Variants in AGBL1 observed in about 807,000 individuals in gnomAD.
AGBL1 encodes the protein AGBL carboxypeptidase 1, also known as cytosolic carboxypeptidase 4.
In AGBL1, 130 loss-of-function variants were observed where a neutral mutation model predicts 118.9. The observed-to-expected ratio is 1.09, with a 90% CI of 0.95 to 1.26. AGBL1 has a LOEUF of 1.26. AGBL1 is among the 50% of genes most tolerant of loss of function. The probability of loss-of-function intolerance (pLI) is 0.00; values close to 1 mark genes in which losing one functional copy is unlikely to be tolerated. For missense variants in AGBL1, 1,584 were observed against 1,298.1 expected, an observed-to-expected ratio of 1.22 and a Z score of -3.38; for synonymous variants, 555 against 478.9, an observed-to-expected ratio of 1.16 and a Z score of -2.08.
At chr15:86,975,475 A>T (rs959803139) in intron 23 of AGBL1, among the ~76,000 whole-genome samples, 6 of 152,102 alleles carry the variant, frequency 3.9e-5, no homozygotes, top group Non-Finnish European at 5.9e-5. Context: ...GAATTATGGG[A>T]GCTGCAATTC....
intron 7 of AGBL1, among the ~76,000 whole-genome samples, chr15:86,251,333 G>A (rs7163089): frequency 0.031 from 4,682 of 152,126 alleles, 238 homozygotes; most frequent in African/African-American, 0.11. Context: ...CACCTGGAGG[G>A]GTCACTGAAG....
chr15:86,184,237 C>T (rs903679779), intron 5 of AGBL1, among the ~76,000 whole-genome samples: 1 of 152,010 alleles, frequency 6.6e-6, no homozygotes, highest in Admixed American at 6.6e-5. Flanking sequence ...AAGTAGCATC[C>T]TAGTAGTAGT....
intron 21 of AGBL1, among the ~76,000 whole-genome samples, chr15:86,555,072 C>T (rs1390727946): frequency 6.6e-6 from 1 of 152,174 alleles, no homozygotes; most frequent in Non-Finnish European, 1.5e-5. Context: ...GTTTTGGACT[C>T]ATATGCTAGT....
chr15:86,459,911 A>G (rs2082310042), intron 18 of AGBL1, among the ~76,000 whole-genome samples: 1 of 152,126 alleles, frequency 6.6e-6, no homozygotes, highest in African/African-American at 2.4e-5. Context: ...GTGACCAGTG[A>G]TTTGCTATAT....
chr15:86,370,614 C>T (rs4530100), intron 17 of AGBL1, among the ~76,000 whole-genome samples: 71,609 of 152,022 alleles, frequency 0.47, 18,805 homozygotes, highest in East Asian at 0.69. Context: ...TCTTTAACGC[C>T]AGGACAGGTG....
chr15:86,705,609 G>A (rs2086436095), intron 22 of AGBL1, among the ~76,000 whole-genome samples: 1 of 152,162 alleles, frequency 6.6e-6, no homozygotes, highest in Admixed American at 6.5e-5. Flanking sequence ...ACTGCTAGTG[G>A]TTATGGGGAT....
chr15:86,198,829 G>A (rs1339675100), intron 5 of AGBL1, among the ~76,000 whole-genome samples: 1 of 152,056 alleles, frequency 6.6e-6, no homozygotes, highest in East Asian at 1.9e-4. Context: ...CTAGACTGGT[G>A]GGAAAATAAA....
chr15:86,600,021 T>A (rs79529430), intron 21 of AGBL1, among the ~76,000 whole-genome samples: 2,343 of 152,260 alleles, frequency 0.015, 50 homozygotes, highest in African/African-American at 0.05. Context: ...CCCAAAATTA[T>A]GGTACACTTG....
intron 18 of AGBL1, among the ~76,000 whole-genome samples, chr15:86,505,108 G>A (rs2082959423): frequency 6.6e-6 from 1 of 150,544 alleles, no homozygotes; most frequent in Non-Finnish European, 1.5e-5. Context: ...CACAGTTTCT[G>A]AAAAAAAAAT....
intron 1 of AGBL1, among the ~76,000 whole-genome samples, chr15:86,118,753 C>CT (rs1180091920): frequency 6.9e-6 from 1 of 144,710 alleles, no homozygotes; most frequent in African/African-American, 2.7e-5. Context: ...TTAGCTAAAG[C>CT]TTTTTTTGGG....
chr15:86,150,983 A>G (rs189596371), intron 3 of AGBL1, among the ~76,000 whole-genome samples: 1 of 152,198 alleles, frequency 6.6e-6, no homozygotes, highest in Non-Finnish European at 1.5e-5. Flanking sequence ...CATAAAAATG[A>G]TGAGTTCATG....
At chr15:86,836,197 A>G (rs2079168625) in intron 22 of AGBL1, among the ~76,000 whole-genome samples, 1 of 152,208 alleles carries the variant, frequency 6.6e-6, no homozygotes, top group South Asian at 2.1e-4. Context: ...TGACTTTAAA[A>G]TATTGGAGAT....
chr15:86,848,169 A>G (rs1050954088), intron 22 of AGBL1, among the ~76,000 whole-genome samples: 5 of 152,210 alleles, frequency 3.3e-5, no homozygotes, highest in African/African-American at 1.2e-4. Flanking sequence ...ACCCACAGCA[A>G]GAATGCCAGA....
At chr15:86,474,600 A>C (rs955977773) in intron 18 of AGBL1, among the ~76,000 whole-genome samples, 1 of 152,218 alleles carries the variant, frequency 6.6e-6, no homozygotes, top group African/African-American at 2.4e-5. Flanking sequence ...GGTGGAGCCC[A>C]CTGCAGCTCA....
chr15:86,819,387 C>T (rs1194254212), intron 22 of AGBL1, among the ~76,000 whole-genome samples: 1 of 151,970 alleles, frequency 6.6e-6, no homozygotes, highest in Non-Finnish European at 1.5e-5. Context: ...TAAGAAAACC[C>T]CATTGTCTCA....
chr15:86,917,576 G>A (rs953737814), downstream of AGBL1, among the ~76,000 whole-genome samples: 8 of 152,142 alleles, frequency 5.3e-5, no homozygotes, highest in Admixed American at 2.0e-4. This position sits in a 1 kb window ranked among gnomAD's most constrained non-coding sequence, Gnocchi z 4.8. Context: ...AAACATATGC[G>A]GATCACCTCT....
At chr15:86,733,930 C>T (rs1297065512) in intron 22 of AGBL1, among the ~76,000 whole-genome samples, 1 of 152,140 alleles carries the variant, frequency 6.6e-6, no homozygotes, top group African/African-American at 2.4e-5. Flanking sequence ...ACTACACAGT[C>T]CTTCTCACCA....
rs190769993 is a variant in AGBL1, at chr15:86,722,602, G to C, written c.3158+48166G>C. ...CATTCAGGACATAGGCATGGGCAAG[G>C]ACTTCCTGTCTAAAACACCAAAAGC... On this transcript the variant is annotated intron_variant, in intron 22 of 22. Coordinates refer to ENST00000614907, the MANE Select transcript of AGBL1 (RefSeq NM_001386094.1). Among the ~76,000 whole-genome samples, 762 of 152,252 alleles carry C rather than the reference G, an allele frequency of 5.0e-3. 10 individuals carry two copies. Among genetic ancestry groups the C allele is most frequent in the African/African-American group, 0.017 (716 of 41,556 alleles).
intron 21 of AGBL1, among the ~76,000 whole-genome samples, chr15:86,653,163 C>CA (rs943258818): frequency 7.5e-5 from 9 of 119,212 alleles, no homozygotes; most frequent in Non-Finnish European, 1.8e-4. Flanking sequence ...TCCTCAAATG[C>CA]AAACCAAAAT....
Sources: gnomAD v4.1 joint callset for allele counts (sites outside exome capture counted in the v4.1 genomes callset) on GRCh38, gnomAD v4.1.1 for gene constraint, Gnocchi (gnomAD v3.1) non-coding constraint, MANE v1.5 for transcripts, NCBI Gene and HGNC (gene_info 2026-07-23, HGNC 2026-07-21) for gene names.